Variants in RAB11FIP2 observed in about 807,000 individuals in gnomAD.
RAB11FIP2 encodes RAB11 family interacting protein 2, also known as rab11 family-interacting protein 2.
A neutral mutation model predicts 40.9 loss-of-function variants in RAB11FIP2; 16 were observed. That is an observed-to-expected ratio of 0.39 (90% CI 0.26 to 0.59). RAB11FIP2 has a LOEUF of 0.59. RAB11FIP2 is among the 20% of genes least tolerant of loss of function. The pLI is 0.53. For synonymous variants in RAB11FIP2, 228 were observed against 213.7 expected, an observed-to-expected ratio of 1.07 and a Z score of -0.58; for missense variants, 532 against 606.2, an observed-to-expected ratio of 0.88 and a Z score of 1.28.
chr10:118,042,933 G>C (rs761416529), intron 1 of RAB11FIP2, among the ~76,000 whole-genome samples: 2 of 152,150 alleles, frequency 1.3e-5, no homozygotes, highest in African/African-American at 2.4e-5. Context: ...ACATAATAGG[G>C]AAGTCTTAAT....
chr10:118,030,742 T>C (rs1388779113), intron 3 of RAB11FIP2, among the ~76,000 whole-genome samples: 1 of 152,032 alleles, frequency 6.6e-6, no homozygotes, highest in Non-Finnish European at 1.5e-5. Context: ...TACAGAGCTT[T>C]TTTTGTTTTC....
chr10:118,019,335 G>A (rs540269042), intron 3 of RAB11FIP2, among the ~76,000 whole-genome samples: 1 of 152,178 alleles, frequency 6.6e-6, no homozygotes, highest in Non-Finnish European at 1.5e-5. Flanking sequence ...AATCCAGGAG[G>A]TGTGCCACCT....
intron 3 of RAB11FIP2, among the ~76,000 whole-genome samples, chr10:118,027,501 C>G (rs1846358157): frequency 6.6e-6 from 1 of 152,170 alleles, no homozygotes; most frequent in Admixed American, 6.5e-5. Flanking sequence ...GAAACAAATG[C>G]ATTGTATACT....
At chr10:118,033,181 G>A (rs1360392082) in intron 3 of RAB11FIP2, among the ~76,000 whole-genome samples, 1 of 152,040 alleles carries the variant, frequency 6.6e-6, no homozygotes, top group Non-Finnish European at 1.5e-5. Flanking sequence ...CACTGTAGGT[G>A]ATATAATATA....
Position 118,040,488 on chromosome 10 carries a change from C to T in RAB11FIP2, c.431G>A (p.Arg144Lys). The change falls in exon 2 of 5, where the codon AGG becomes AAG. Residue 144 changes from arginine (R) to lysine (K), a missense_variant. By Grantham distance (26) the Arg-to-Lys change is conservative. Transcript: ENST00000355624. ...AAACATACTTGCGGTCATATTGTTCCTCATAAACTGAATATTGACCTTTAT... is the reference window on the plus strand; with the variant it reads ...AAACATACTTGCGGTCATATTGTTCTTCATAAACTGAATATTGACCTTTAT... The part of the protein sequence containing the change: ...GEIKVNIQFM[R>K]NNMTASMFDL... 6.2e-7 allele frequency: 1 copy of T among 1,613,046 alleles called. No individual in the cohort carries two copies.
Position 118,046,159 on chromosome 10 carries a change from A to G in RAB11FIP2, c.5T>C (p.Met2Thr). The G allele has an allele frequency of 6.2e-7, 1 of 1,613,300 alleles. No homozygotes were observed. Among genetic ancestry groups the G allele is most frequent in the Non-Finnish European group, 8.5e-7 (1 of 1,179,650 alleles). ...CCACTTTTGGGCTTGCTCGGACAGC[A>G]TCATCCTGTCCTGTTTCTCTGCCCC... is the stretch of plus-strand genomic sequence containing the variant. Reference protein sequence around the residue: MMLSEQAQKWFP... With the variant: MTLSEQAQKWFP... Residue 2 changes from methionine to threonine, a missense_variant, in exon 1 of 5, where the codon ATG (methionine) becomes ACG (threonine). By Grantham distance (81) the Met-to-Thr change is moderately conservative. Transcript: ENST00000355624.
chr10:118,043,556 T>C (rs943833520), intron 1 of RAB11FIP2: 6 of 152,196 alleles, frequency 3.9e-5, no homozygotes, highest in Non-Finnish European at 7.3e-5. Flanking sequence ...AAAAGACATA[T>C]ATTTTCAAGG....
intron 3 of RAB11FIP2, among the ~76,000 whole-genome samples, chr10:118,020,639 T>C (rs1846273392): frequency 1.3e-5 from 2 of 152,164 alleles, no homozygotes; most frequent in South Asian, 4.1e-4. Flanking sequence ...TGGGCTGCAG[T>C]AGCATCTCTA....
chr10:118,029,363 A>G (rs1846386070), intron 3 of RAB11FIP2, among the ~76,000 whole-genome samples: 1 of 152,080 alleles, frequency 6.6e-6, no homozygotes, highest in African/African-American at 2.4e-5. Context: ...CTTCCTAACT[A>G]GTTTCCCTGT....
chr10:118,018,787 T>C (rs1373425872), intron 3 of RAB11FIP2, among the ~76,000 whole-genome samples: 1 of 152,206 alleles, frequency 6.6e-6, no homozygotes, highest in Non-Finnish European at 1.5e-5. Flanking sequence ...TGTCCTTTAA[T>C]TTGTGCTATG....
chr10:118,008,975 T>C lies in RAB11FIP2; in HGVS notation c.*23A>G. The C allele has an allele frequency of 1.3e-6, 2 of 1,551,220 alleles. No homozygotes were observed. The highest frequency in any genetic ancestry group is 1.8e-6 in the Non-Finnish European group (2 of 1,123,984). Reference sequence around the variant, plus strand: ...TTCTTTCTCTCTCTTTGTCCAATTATCAATACAATACAATTGGCTTTATTA... The same window carrying C: ...TTCTTTCTCTCTCTTTGTCCAATTACCAATACAATACAATTGGCTTTATTA... On this transcript the variant is annotated 3_prime_UTR_variant, in exon 5 of 5. Transcript: ENST00000355624.
At position 118,004,953 on chromosome 10, in the gene RAB11FIP2, T is replaced by A. The variant is rs890417884; in HGVS notation, c.*4045A>T. 50 of 152,774 alleles carry A rather than the reference T, an allele frequency of 3.3e-4. No individual in the cohort carries two copies. The highest frequency in any genetic ancestry group is 1.2e-3 in the African/African-American group (48 of 41,588). 9.5% of individuals were successfully genotyped at this position (152,774 alleles called of 1,614,324 possible). A position where few individuals can be genotyped will look rare whatever the true frequency, so the allele number is the denominator to read the frequency against. ...ACTTTAATCAACTATAAGTCAATAA[T>A]CATATATTATATAAAAATTCTGATT... is the stretch of plus-strand genomic sequence containing the variant. On this transcript the variant is annotated 3_prime_UTR_variant, in exon 5 of 5. Coordinates refer to ENST00000355624, the MANE Select transcript of RAB11FIP2 (RefSeq NM_014904.3).
chr10:118,040,096 A>G, intron 2 of RAB11FIP2, 27 bp downstream of exon 2: 2 of 1,578,632 alleles, frequency 1.3e-6, no homozygotes, highest in Non-Finnish European at 1.7e-6. Context: ...GTTCAGACCA[A>G]TGAGTACACA....
chr10:118,018,808 C>T (rs1449574538), intron 3 of RAB11FIP2, among the ~76,000 whole-genome samples: 1 of 152,170 alleles, frequency 6.6e-6, no homozygotes, highest in Admixed American at 6.6e-5. Context: ...GACTAACCTT[C>T]CATATATCGG....
At chr10:118,045,774 A>G (rs763284211) in intron 1 of RAB11FIP2, 37 bp downstream of exon 1, 29 of 1,473,334 alleles carry the variant, frequency 2.0e-5, no homozygotes, top group Non-Finnish European at 2.6e-5. Flanking sequence ...AATAAGATAT[A>G]AACTCCCCCA....
At chr10:118,043,749 A>C (rs1161700452) in intron 1 of RAB11FIP2, among the ~76,000 whole-genome samples, 1 of 152,216 alleles carries the variant, frequency 6.6e-6, no homozygotes, top group Non-Finnish European at 1.5e-5. Flanking sequence ...TTTTCTAAAA[A>C]GCACTTGGGA....
At chr10:118,043,696 T>C (rs1846591421) in intron 1 of RAB11FIP2, 1 of 152,238 alleles carries the variant, frequency 6.6e-6, no homozygotes. Context: ...AGCAGTTTCA[T>C]AGGACATCTA....
rs1846525195 is a variant in RAB11FIP2, at chr10:118,039,416, C to G, written c.821G>C (p.Arg274Thr). 1 of 1,612,482 alleles carries G rather than the reference C, an allele frequency of 6.2e-7. No individual in the cohort carries two copies. The highest frequency in any genetic ancestry group is 1.7e-5 in the Admixed American group (1 of 59,860). Residue 274 changes from arginine (R) to threonine (T), a missense_variant, in exon 3 of 5, where the codon AGA becomes ACA. Physicochemically the swap from Arg to Thr is moderately conservative, Grantham distance 71. Coordinates refer to ENST00000355624, the MANE Select transcript of RAB11FIP2 (RefSeq NM_014904.3). The stretch of plus-strand genomic sequence containing the variant: ...TTTAGAAGTATCAAAGCTTAATGTT[C>G]TTCTGTGTGGAGATTTGAGACTTCC... The part of the protein sequence containing the change: ...ESGSLKSPHR[R>T]TLSFDTSKMN...
chr10:118,043,227 C>T (rs1183911333), intron 1 of RAB11FIP2, among the ~76,000 whole-genome samples: 2 of 152,046 alleles, frequency 1.3e-5, no homozygotes, highest in Non-Finnish European at 2.9e-5. Context: ...CACAGGTGCA[C>T]CGCTGAGACA....
Sources: gnomAD v4.1 joint callset for allele counts (sites outside exome capture counted in the v4.1 genomes callset) on GRCh38, gnomAD v4.1.1 for gene constraint, MANE v1.5 for transcripts, NCBI Gene and HGNC (gene_info 2026-07-23, HGNC 2026-07-21) for gene names.